NGEF: variants seen among roughly 807,000 people sequenced by gnomAD.
The protein encoded by NGEF is neuronal guanine nucleotide exchange factor.
In NGEF, 31 loss-of-function variants were observed where a neutral mutation model predicts 80.9. The ratio of observed to expected loss-of-function variants is 0.38; its 90% confidence interval spans 0.29 to 0.52. The LOEUF is 0.52. Ranked by LOEUF, NGEF falls within the 20% of genes least tolerant of loss-of-function variation. The probability of loss-of-function intolerance (pLI) is 0.84; values close to 1 mark genes in which losing one functional copy is unlikely to be tolerated. For missense variants in NGEF, 709 were observed against 926.2 expected (o/e 0.77, Z 3.04); for synonymous variants, 371 against 370.2 (o/e 1.00, Z -0.03).
intron 4 of NGEF, among the ~76,000 whole-genome samples, chr2:232,921,826 C>T (rs554929263): frequency 2.0e-5 from 3 of 152,298 alleles, no homozygotes; most frequent in African/African-American, 7.2e-5. Flanking sequence ...GCTGCAGCAG[C>T]TCCTTGGGAG....
intron 1 of NGEF, among the ~76,000 whole-genome samples, chr2:232,998,562 G>T (rs918285061): frequency 6.6e-6 from 1 of 152,148 alleles, no homozygotes; most frequent in African/African-American, 2.4e-5. Flanking sequence ...CATGCCATAG[G>T]GGGGCTACAG....
intron 1 of NGEF, among the ~76,000 whole-genome samples, chr2:232,976,845 C>T (rs6743649): frequency 0.34 from 51,662 of 152,076 alleles, 10,085 homozygotes; most frequent in Non-Finnish European, 0.44. Context: ...CTTCTGGTCC[C>T]GGCCTCAGTT....
At chr2:233,000,188 C>T (rs906562975) in intron 1 of NGEF, among the ~76,000 whole-genome samples, 5 of 152,126 alleles carry the variant, frequency 3.3e-5, no homozygotes, top group East Asian at 1.9e-4. Context: ...CTCCACCACC[C>T]GGACTCAAGC....
At chr2:232,918,951 G>T (rs1692872977) in intron 5 of NGEF, among the ~76,000 whole-genome samples, 1 of 152,174 alleles carries the variant, frequency 6.6e-6, no homozygotes, top group Non-Finnish European at 1.5e-5. Flanking sequence ...CACATCAGAA[G>T]TTTTATTAAA....
chr2:232,904,786 A>C (rs568600142), intron 5 of NGEF, among the ~76,000 whole-genome samples: 1 of 152,014 alleles, frequency 6.6e-6, no homozygotes. Context: ...TCTTCAAAAA[A>C]TTTTTAAAGA....
At chr2:232,945,621 T>A (rs1693541303) in intron 3 of NGEF, among the ~76,000 whole-genome samples, 1 of 152,148 alleles carries the variant, frequency 6.6e-6, no homozygotes, top group Non-Finnish European at 1.5e-5. Context: ...GGGAGCAGCT[T>A]CTCCCCACAG....
chr2:232,904,171 G>T (rs1050241271), intron 5 of NGEF, among the ~76,000 whole-genome samples: 8 of 152,034 alleles, frequency 5.3e-5, no homozygotes, highest in Non-Finnish European at 1.0e-4. Flanking sequence ...GGCATGGGGG[G>T]ACCGAGCCAC....
intron 3 of NGEF, among the ~76,000 whole-genome samples, chr2:232,960,438 C>T (rs1693924792): frequency 6.6e-6 from 1 of 152,068 alleles, no homozygotes; most frequent in Non-Finnish European, 1.5e-5. Flanking sequence ...ACAGGAACAC[C>T]CTCCTTCTCA....
At chr2:232,980,904 G>A (rs949938348) in intron 1 of NGEF, among the ~76,000 whole-genome samples, 4 of 152,104 alleles carry the variant, frequency 2.6e-5, no homozygotes, top group Non-Finnish European at 2.9e-5. Context: ...CTGCCTGGGC[G>A]AGAGCAGCGG....
At chr2:232,933,354 G>A (rs965044226) in intron 3 of NGEF, among the ~76,000 whole-genome samples, 20 of 151,900 alleles carry the variant, frequency 1.3e-4, no homozygotes, top group Non-Finnish European at 1.0e-4. Flanking sequence ...AGCAAACCAG[G>A]AGCCAAGTAG....
intron 3 of NGEF, among the ~76,000 whole-genome samples, chr2:232,954,113 G>C (rs1221259127): frequency 2.0e-5 from 3 of 152,142 alleles, no homozygotes; most frequent in African/African-American, 7.2e-5. Flanking sequence ...TGCAGTGTCA[G>C]GCAGTTCAGG....
intron 3 of NGEF, among the ~76,000 whole-genome samples, chr2:232,954,501 G>A (rs375246904): frequency 1.3e-4 from 20 of 152,024 alleles, no homozygotes; most frequent in African/African-American, 3.4e-4. Flanking sequence ...TGAGGCAGGC[G>A]GATCGTGAAA....
chr2:232,968,231 G>C (rs959308389), intron 3 of NGEF, among the ~76,000 whole-genome samples: 1 of 151,786 alleles, frequency 6.6e-6, no homozygotes, highest in African/African-American at 2.4e-5. Flanking sequence ...TGGGATTACA[G>C]GCATGTGCCA....
At chr2:232,890,298 G>T (rs1691839272) in intron 8 of NGEF, among the ~76,000 whole-genome samples, 1 of 150,256 alleles carries the variant, frequency 6.7e-6, no homozygotes, top group Non-Finnish European at 1.5e-5. Flanking sequence ...CCTGGCTGGA[G>T]CCTCCCTTTT....
intron 5 of NGEF, among the ~76,000 whole-genome samples, chr2:232,901,637 C>A (rs1692360554): frequency 6.6e-6 from 1 of 152,194 alleles, no homozygotes; most frequent in African/African-American, 2.4e-5. Context: ...TAGCCCCTTC[C>A]CCACAAGGGT....
intron 1 of NGEF, among the ~76,000 whole-genome samples, chr2:232,987,699 G>A (rs1694561779): frequency 1.3e-5 from 2 of 152,166 alleles, no homozygotes; most frequent in Non-Finnish European, 2.9e-5. Flanking sequence ...GAATGGAGCT[G>A]GCTTTGAGCT....
chr2:232,950,004 G>A (rs1693646551), intron 3 of NGEF, among the ~76,000 whole-genome samples: 1 of 151,718 alleles, frequency 6.6e-6, no homozygotes, highest in Admixed American at 6.6e-5. Flanking sequence ...CAGATACAGG[G>A]TTTCACCATG....
chr2:232,880,499 C>T (rs930979916), intron 14 of NGEF, among the ~76,000 whole-genome samples: 1 of 152,204 alleles, frequency 6.6e-6, no homozygotes, highest in Non-Finnish European at 1.5e-5. Context: ...AGGTCACAGC[C>T]TGAGGCCTTC....
At chr2:232,948,624 G>C (rs1363698153) in intron 3 of NGEF, among the ~76,000 whole-genome samples, 1 of 152,124 alleles carries the variant, frequency 6.6e-6, no homozygotes, top group East Asian at 1.9e-4. Flanking sequence ...CTATTCTTTT[G>C]ATTTTTCTGC....
Sources: gnomAD v4.1 joint callset for allele counts (sites outside exome capture counted in the v4.1 genomes callset) on GRCh38, gnomAD v4.1.1 for gene constraint, MANE v1.5 for transcripts, NCBI Gene and HGNC (gene_info 2026-07-23, HGNC 2026-07-21) for gene names.